The following CLSTN2 variants were observed in gnomAD, a reference collection of about 807,000 sequenced individuals.
The protein encoded by CLSTN2 is calsyntenin-2.
A neutral mutation model predicts 101.2 loss-of-function variants in CLSTN2; 48 were observed. The observed-to-expected ratio is 0.47, with a 90% CI of 0.38 to 0.60. CLSTN2 has a LOEUF of 0.60. Ranked by LOEUF, CLSTN2 falls within the 20% of genes least tolerant of loss-of-function variation. The probability of loss-of-function intolerance (pLI) is 0.00; values close to 1 mark genes in which losing one functional copy is unlikely to be tolerated. For missense variants in CLSTN2, 1,160 were observed against 1,238.2 expected (o/e 0.94, Z 0.95); for synonymous variants, 481 against 463.6 (o/e 1.04, Z -0.48).
chr3:140,400,388 G>C (rs1272770973), intron 2 of CLSTN2, among the ~76,000 whole-genome samples: 1 of 152,076 alleles, frequency 6.6e-6, no homozygotes, highest in Non-Finnish European at 1.5e-5. Flanking sequence ...ACAAAACAGA[G>C]GTTCAAAGAT....
At chr3:140,308,085 C>A (rs1035315898) in intron 2 of CLSTN2, among the ~76,000 whole-genome samples, 1 of 152,218 alleles carries the variant, frequency 6.6e-6, no homozygotes, top group Middle Eastern at 3.4e-3. Context: ...ATTTGCTGAA[C>A]GTTGAACCTT....
At chr3:140,368,492 C>T (rs747842867) in intron 2 of CLSTN2, among the ~76,000 whole-genome samples, 1 of 152,162 alleles carries the variant, frequency 6.6e-6, no homozygotes, top group Non-Finnish European at 1.5e-5. Context: ...CCTCTGGCTT[C>T]GGGTCTCTGA....
intron 2 of CLSTN2, among the ~76,000 whole-genome samples, chr3:140,386,253 A>G (rs903580520): frequency 5.3e-5 from 8 of 152,212 alleles, no homozygotes; most frequent in African/African-American, 1.9e-4. Flanking sequence ...ACAAAGATAG[A>G]AATGCTGCCG....
At chr3:140,397,252 T>C (rs1025724236) in intron 2 of CLSTN2, among the ~76,000 whole-genome samples, 1 of 152,166 alleles carries the variant, frequency 6.6e-6, no homozygotes, top group African/African-American at 2.4e-5. Context: ...TGATATGTTA[T>C]TTAGGTAGAA....
At chr3:140,523,494 A>G (rs1460853003) in intron 8 of CLSTN2, among the ~76,000 whole-genome samples, 1 of 152,006 alleles carries the variant, frequency 6.6e-6, no homozygotes, top group Non-Finnish European at 1.5e-5. Context: ...TGTTAATGTT[A>G]TATTATATCC....
intron 1 of CLSTN2, among the ~76,000 whole-genome samples, chr3:139,992,705 T>C (rs4683779): frequency 0.99 from 151,278 of 152,304 alleles, 75,140 homozygotes; most frequent in East Asian, 1. Context: ...GACATGGGAG[T>C]GTGAAACAAG....
At chr3:140,176,982 G>T (rs985699844) in intron 2 of CLSTN2, among the ~76,000 whole-genome samples, 1 of 152,134 alleles carries the variant, frequency 6.6e-6, no homozygotes, top group Non-Finnish European at 1.5e-5. Context: ...GAGAAAAGGG[G>T]GTTCTTTTGC....
At chr3:140,246,489 T>C (rs757743688) in intron 2 of CLSTN2, among the ~76,000 whole-genome samples, 1 of 152,204 alleles carries the variant, frequency 6.6e-6, no homozygotes, top group Non-Finnish European at 1.5e-5. Context: ...ACTTAGAAGC[T>C]GTACACACTT....
intron 2 of CLSTN2, among the ~76,000 whole-genome samples, chr3:140,273,057 A>G (rs1197597857): frequency 1.3e-5 from 2 of 152,174 alleles, no homozygotes; most frequent in African/African-American, 2.4e-5. Flanking sequence ...CATCTTCTTC[A>G]CATTTTTAGG....
chr3:140,359,804 A>T (rs1424045394), intron 2 of CLSTN2, among the ~76,000 whole-genome samples: 5 of 152,144 alleles, frequency 3.3e-5, no homozygotes, highest in African/African-American at 1.2e-4. Context: ...CTTGCCCAGA[A>T]CTAGTCACTT....
Position 140,546,621 on chromosome 3 carries a change from G to T in CLSTN2, c.1614G>T (p.Leu538=), listed in dbSNP as rs145299723. ...KMESQKVISC[L]QACKEGLDIN... ...AAAGCCAGAAGGTGATCTCCTGCCT[G>T]CAGGCCTGCAAGGAAGGGCTGGACA... Residue 538 remains leucine, a synonymous_variant, in exon 10 of 17, where the codon CTG becomes CTT. Transcript: ENST00000458420. 6.2e-7 allele frequency: 1 copy of T among 1,613,934 alleles called. No individual in the cohort carries two copies. The highest frequency in any genetic ancestry group is 1.3e-5 in the African/African-American group (1 of 74,930).
At chr3:140,288,477 A>G (rs981978026) in intron 2 of CLSTN2, among the ~76,000 whole-genome samples, 1 of 151,634 alleles carries the variant, frequency 6.6e-6, no homozygotes, top group Non-Finnish European at 1.5e-5. Flanking sequence ...GGTGTTTTAG[A>G]AAGAGTCTTC....
intron 9 of CLSTN2, among the ~76,000 whole-genome samples, chr3:140,541,939 T>C (rs1576619367): frequency 6.6e-6 from 1 of 152,150 alleles, no homozygotes; most frequent in East Asian, 1.9e-4. Flanking sequence ...CTCTCTGCCA[T>C]GACCCTCCCT....
At chr3:140,036,379 G>A (rs1353165219) in intron 1 of CLSTN2, among the ~76,000 whole-genome samples, 3 of 152,182 alleles carry the variant, frequency 2.0e-5, no homozygotes, top group African/African-American at 7.2e-5. Context: ...CACTGAGACA[G>A]CTTGGCTGAA....
At chr3:140,557,255 T>C (rs1315257029) in intron 11 of CLSTN2, among the ~76,000 whole-genome samples, 1 of 151,972 alleles carries the variant, frequency 6.6e-6, no homozygotes, top group Non-Finnish European at 1.5e-5. Flanking sequence ...TCCTGGAAGG[T>C]AGAAGTGCAG....
chr3:139,997,047 C>CAAAAAAAA (rs369329154), intron 1 of CLSTN2, among the ~76,000 whole-genome samples: 21 of 84,770 alleles, frequency 2.5e-4, no homozygotes, highest in South Asian at 7.4e-4. Flanking sequence ...GACTCTGTCT[C>CAAAAAAAA]AAAAAAAAAA....
At position 140,572,544 on chromosome 3, in the gene CLSTN2, C is replaced by G. The variant is rs1985589001; in HGVS notation, c.*6291C>G. On this transcript the variant is annotated 3_prime_UTR_variant, in exon 17 of 17. Coordinates refer to ENST00000458420, the MANE Select transcript of CLSTN2 (RefSeq NM_022131.3). ...GCCCTCCTGAGGCCCAACATCAGAGCTGAAGATCTAAGGAGGGCCCACCTC... is the reference window on the plus strand; with the variant it reads ...GCCCTCCTGAGGCCCAACATCAGAGGTGAAGATCTAAGGAGGGCCCACCTC... 1 of 152,214 alleles carries G rather than the reference C, an allele frequency of 6.6e-6. No homozygotes were observed. 9.4% of individuals were successfully genotyped at this position (152,214 alleles called of 1,614,324 possible). A position where few individuals can be genotyped will look rare whatever the true frequency, so the allele number is the denominator to read the frequency against.
At chr3:140,448,430 C>A in intron 5 of CLSTN2, 89 bp from the exon 6 acceptor site, 1 of 1,103,028 alleles carries the variant, frequency 9.1e-7, no homozygotes, top group Admixed American at 2.1e-5. Flanking sequence ...GCAAATAATT[C>A]GTTGGAACAA....
At chr3:140,478,738 T>A (rs1158253845) in intron 8 of CLSTN2, among the ~76,000 whole-genome samples, 3 of 147,310 alleles carry the variant, frequency 2.0e-5, no homozygotes, top group Admixed American at 7.0e-5. Context: ...GCATACATCA[T>A]ACTTCAATAA....
Sources: gnomAD v4.1 joint callset for allele counts (sites outside exome capture counted in the v4.1 genomes callset) on GRCh38, gnomAD v4.1.1 for gene constraint, MANE v1.5 for transcripts, NCBI Gene and HGNC (gene_info 2026-07-23, HGNC 2026-07-21) for gene names.